The following C5 variants were observed in gnomAD, a reference collection of about 807,000 sequenced individuals.
The protein encoded by C5 is complement C5.
In C5, 140 loss-of-function variants were observed where a neutral mutation model predicts 218.8. The ratio of observed to expected loss-of-function variants is 0.64; its 90% CI spans 0.56 to 0.74. The LOEUF (loss-of-function observed/expected upper bound fraction) is 0.74, where lower values mean the gene tolerates loss of function less well. C5 is among the 30% of genes least tolerant of loss of function. The pLI, the probability that C5 is intolerant of heterozygous loss-of-function variation, is 0.00. For synonymous variants in C5, 614 were observed against 682.3 expected, an observed-to-expected ratio of 0.90 and a Z score of 1.56; for missense variants, 1,700 against 1,969.6, an observed-to-expected ratio of 0.86 and a Z score of 2.59.
chr9:121,032,054 C>G, intron 6 of C5, 59 bp downstream of exon 6: 1 of 1,021,458 alleles, frequency 9.8e-7, no homozygotes, highest in Non-Finnish European at 1.5e-6. Context: ...CAGAGCGAGA[C>G]TCCATCTCAA....
chr9:121,001,562 G>A (rs1564145998), intron 20 of C5, among the ~76,000 whole-genome samples: 1 of 152,120 alleles, frequency 6.6e-6, no homozygotes, highest in Non-Finnish European at 1.5e-5. Flanking sequence ...TATTCATTGT[G>A]TATACATATT....
chr9:121,059,216 G>A, the C5 span, among the ~76,000 whole-genome samples: 2 of 152,174 alleles, frequency 1.3e-5, no homozygotes, highest in Non-Finnish European at 2.9e-5. This position sits in a 1 kb window ranked among gnomAD's most constrained non-coding sequence, Gnocchi z 4.1. Flanking sequence ...AATGGAATAG[G>A]ATAGGATTTC....
In C5 at chr9:121,021,524, C is replaced by G. The variant is rs145139701; in HGVS notation, c.1287G>C (p.Thr429=). Residue 429 remains threonine (T), a synonymous_variant, in exon 11 of 41, where the codon ACG becomes ACC. Coordinates refer to ENST00000223642, the MANE Select transcript of C5 (RefSeq NM_001735.3). ...TTCAGCTCACATTAAACTCCAGCAC[C>G]GTCACTCCAGATGGGAGATTAAGCA... ...SFVLNLPSGV[T]VLEFNVKTDA... is the part of the protein sequence containing the mutation. The G allele has an allele frequency of 1.9e-6, 3 of 1,612,812 alleles. No individual in the cohort carries two copies. The highest frequency in any genetic ancestry group is 2.5e-6 in the Non-Finnish European group (3 of 1,179,064).
chr9:121,000,104 CA>C (rs2047149259), intron 20 of C5: 2 of 232,728 alleles, frequency 8.6e-6, no homozygotes, highest in South Asian at 8.6e-5. Context: ...TGTGTTATTG[CA>C]AAGGACATAC....
chr9:121,013,102 C>T (rs551359728), intron 17 of C5, among the ~76,000 whole-genome samples: 1 of 152,158 alleles, frequency 6.6e-6, no homozygotes, highest in South Asian at 2.1e-4. Flanking sequence ...GACGGATCAC[C>T]TGAGGTCAGG....
rs745954083 is a variant in C5 at position 120,981,899 on chromosome 9, A to G, written c.3431T>C (p.Leu1144Pro). 1.2e-6 allele frequency: 2 copies of G among 1,613,958 alleles called. No individual in the cohort carries two copies. The highest frequency in any genetic ancestry group is 1.3e-5 in the African/African-American group (1 of 74,900). The change falls in exon 27 of 41, where the codon CTT becomes CCT. Residue 1144 changes from leucine (L) to proline (P), a missense_variant. By Grantham distance (98) the Leu-to-Pro change is moderately conservative. Coordinates refer to ENST00000223642, the MANE Select transcript of C5 (RefSeq NM_001735.3). Reference protein sequence around the residue: ...PVEARENSLYLTAFTVIGIRK... With the variant: ...PVEARENSLYPTAFTVIGIRK... The stretch of plus-strand genomic sequence containing the variant: ...AATTCCAATCACAGTAAAGGCTGTA[A>G]GATATAAGCTGTTCTCTCGGGCTTC...
intron 3 of C5, 119 bp from the exon 4 acceptor site, chr9:121,038,070 C>A (rs1163709266): frequency 3.7e-6 from 2 of 540,888 alleles, no homozygotes; most frequent in Admixed American, 6.5e-5. Context: ...ACACAAAAGT[C>A]CATATTTGAA....
chr9:121,069,746 T>C, the C5 span, among the ~76,000 whole-genome samples: 1 of 152,096 alleles, frequency 6.6e-6, no homozygotes, highest in South Asian at 2.1e-4. Context: ...ACTCCTAAGC[T>C]GAAGAGATCC....
chr9:121,002,216 GTA>G (rs757615788), intron 20 of C5, among the ~76,000 whole-genome samples: 6,842 of 112,792 alleles, frequency 0.061, 283 homozygotes, highest in African/African-American at 0.15. Flanking sequence ...GTATATATAC[GTA>G]TATATATATA....
chr9:121,008,556 G>T (rs1297950515), intron 17 of C5, 58 bp from the exon 18 acceptor site: 1 of 1,286,268 alleles, frequency 7.8e-7, no homozygotes, highest in Non-Finnish European at 1.1e-6. Flanking sequence ...ACTTATAGGT[G>T]AATTTTAAAA....
At chr9:121,049,795 C>T (rs890771265) in intron 1 of C5, among the ~76,000 whole-genome samples, 1 of 152,100 alleles carries the variant, frequency 6.6e-6, no homozygotes, top group South Asian at 2.1e-4. Flanking sequence ...TTTCAGATCA[C>T]AGTATTAGAT....
chr9:121,020,574 T>C (rs1463050197), intron 11 of C5, among the ~76,000 whole-genome samples: 1 of 152,186 alleles, frequency 6.6e-6, no homozygotes, highest in Non-Finnish European at 1.5e-5. Flanking sequence ...GCACTAACTC[T>C]TGGGGACAGG....
At chr9:120,973,612 A>G (rs531117767) in intron 30 of C5, among the ~76,000 whole-genome samples, 48 of 152,224 alleles carry the variant, frequency 3.2e-4, no homozygotes, top group Non-Finnish European at 3.5e-4. Context: ...ATGTTGGCAT[A>G]TATCTATGTC....
the C5 span, among the ~76,000 whole-genome samples, chr9:121,060,896 C>G: frequency 6.6e-6 from 1 of 152,096 alleles, no homozygotes; most frequent in African/African-American, 2.4e-5. Context: ...ATTTAAAAAT[C>G]CCAGAATCAG....
At chr9:121,031,445 T>C (rs2047473683) in intron 6 of C5, among the ~76,000 whole-genome samples, 2 of 152,160 alleles carry the variant, frequency 1.3e-5, no homozygotes, top group South Asian at 4.1e-4. Context: ...TTTTACTGGG[T>C]TCCACTCACC....
chr9:121,030,248 A>T (rs1268062719), intron 7 of C5, 149 bp downstream of exon 7: 20 of 565,882 alleles, frequency 3.5e-5, no homozygotes, highest in Non-Finnish European at 3.2e-5. Flanking sequence ...ATGAACTACC[A>T]GCATGATGTC....
At chr9:121,023,557 G>T in intron 9 of C5, 38 bp from the exon 10 acceptor site, 1 of 1,151,502 alleles carries the variant, frequency 8.7e-7, no homozygotes, top group Non-Finnish European at 1.3e-6. Flanking sequence ...CAGTTTTTAG[G>T]AGTATCATGA....
At chr9:120,993,750 G>A (rs2047095670) in intron 22 of C5, among the ~76,000 whole-genome samples, 3 of 152,194 alleles carry the variant, frequency 2.0e-5, no homozygotes, top group South Asian at 2.1e-4. Context: ...TAAGCCTTGA[G>A]TGTAACAACT....
chr9:120,971,389 A>G (rs188439546), intron 31 of C5, among the ~76,000 whole-genome samples: 156 of 151,884 alleles, frequency 1.0e-3, no homozygotes, highest in African/African-American at 3.7e-3. Flanking sequence ...ATATATCTCT[A>G]TAAATATATA....
Sources: allele counts gnomAD v4.1 joint callset (sites outside exome capture counted in the v4.1 genomes callset), GRCh38; gene constraint gnomAD v4.1.1; non-coding constraint Gnocchi (gnomAD v3.1); transcripts MANE v1.5; gene names NCBI Gene and HGNC (gene_info 2026-07-23, HGNC 2026-07-21).